SHROOM2: variants seen among roughly 807,000 people sequenced by gnomAD.
SHROOM2 encodes shroom family member 2, also known as protein Shroom2.
SHROOM2 carries 33 observed loss-of-function variants against 75.9 expected under a neutral mutation model. That is an observed-to-expected ratio of 0.43 (90% CI 0.33 to 0.58). The LOEUF is 0.58. Ranked by LOEUF, SHROOM2 falls within the 20% of genes least tolerant of loss-of-function variation. SHROOM2 has a pLI of 0.04. For missense variants in SHROOM2, 1,434 were observed against 1,461.2 expected, an observed-to-expected ratio of 0.98 and a Z score of 0.30; for synonymous variants, 655 against 663.6, an observed-to-expected ratio of 0.99 and a Z score of 0.20.
At position 9,894,622 on chromosome X, in the gene SHROOM2, T is replaced by C; in HGVS notation, c.714T>C (p.Thr238=). 1 of 1,211,766 alleles carries C rather than the reference T, an allele frequency of 8.3e-7. No homozygotes were observed. The highest frequency in any genetic ancestry group is 1.1e-6 in the Non-Finnish European group (1 of 895,465). Reference sequence around the variant, plus strand: ...CCTCCGCAGAGAACATCCTCTACACTGTGGGCCTCTGGGAGGCTCCCAGGC... The same window carrying C: ...CCTCCGCAGAGAACATCCTCTACACCGTGGGCCTCTGGGAGGCTCCCAGGC... ...DTSSAENILY[T]VGLWEAPRQG... is the part of the protein sequence containing the mutation. Residue 238 remains threonine, a synonymous_variant, in exon 4 of 10, where the codon ACT becomes ACC. Transcript: ENST00000380913.
At chrX:9,837,952 T>G (rs2083956295) in intron 1 of SHROOM2, among the ~76,000 whole-genome samples, 1 of 110,820 alleles carries the variant, frequency 9.0e-6, no homozygotes, top group African/African-American at 3.3e-5. Context: ...TCACCATTAG[T>G]CAGCAGAACA....
chrX:9,894,461 T>G lies in SHROOM2; in HGVS notation c.553T>G (p.Ser185Ala), dbSNP rs1341648819. The part of the protein sequence containing the change: ...LGSVDSLDHP[S>A]SRLSVAKSNS... The stretch of plus-strand genomic sequence containing the variant: ...GAGCGTTGACAGCCTGGACCACCCC[T>G]CCAGTCGCCTCTCGGTGGCCAAGTC... Residue 185 changes from serine (S) to alanine (A), a missense_variant, in exon 4 of 10, where the codon TCC (serine) becomes GCC (alanine). Ser to Ala is a moderately conservative substitution (Grantham distance 99). Coordinates refer to ENST00000380913, the MANE Select transcript of SHROOM2 (RefSeq NM_001649.4). 4.1e-6 allele frequency: 5 copies of G among 1,206,926 alleles called. No individual in the cohort carries two copies. The highest frequency in any genetic ancestry group is 5.6e-6 in the Non-Finnish European group (5 of 894,388).
Position 9,895,816 on chromosome X carries a change from G to T in SHROOM2, c.1908G>T (p.Met636Ile). 8.3e-7 allele frequency: 1 copy of T among 1,204,124 alleles called. No homozygotes were observed. The highest frequency in any genetic ancestry group is 1.8e-5 in the South Asian group (1 of 55,885). ...CCACCCTGCGGAATGAGATCCAGAT[G>T]CATAGAGCCAAGCTGCAGAAGAGCC... ...FATTLRNEIQMHRAKLQKSRS... is the reference protein window; with the variant it reads ...FATTLRNEIQIHRAKLQKSRS... The change falls in exon 4 of 10, where the codon ATG (methionine) becomes ATT (isoleucine). Residue 636 changes from methionine (M) to isoleucine (I), a missense_variant. Met to Ile is a conservative substitution (Grantham distance 10, BLOSUM62 1). Transcript: ENST00000380913.
At chrX:9,885,573 T>G (rs766967512) in intron 2 of SHROOM2, among the ~76,000 whole-genome samples, 4 of 111,611 alleles carry the variant, frequency 3.6e-5, no homozygotes, top group African/African-American at 9.8e-5. Context: ...TTAGTAAATT[T>G]TCACTGTCCA....
At position 9,928,025 on chromosome X, in the gene SHROOM2, G is replaced by C. The variant is rs191204705; in HGVS notation, c.2892-4150G>C. Among the ~76,000 whole-genome samples, 9 of 112,095 alleles carry C rather than the reference G, an allele frequency of 8.0e-5. No homozygotes were observed. In the East Asian group the frequency reaches 2.0e-3, roughly 24 times the overall value. ...TTGTTTTTTTCCTAACAGTGGTTTC[G>C]GTCCTGTCATAGCATGCTGGGTGAC... On this transcript the variant is annotated intron_variant, in intron 5 of 9. Coordinates refer to ENST00000380913, the MANE Select transcript of SHROOM2 (RefSeq NM_001649.4).
chrX:9,937,618 C>G lies in SHROOM2; in HGVS notation c.4072C>G (p.Leu1358Val). The change falls in exon 7 of 10, where the codon CTG becomes GTG. Residue 1358 changes from leucine (L) to valine (V), a missense_variant. Physicochemically the swap from Leu to Val is conservative, Grantham distance 32. Around this residue, in one of 3 missense-constraint regions of SHROOM2, gnomAD observed 1,340 missense variants for 1,338.3 expected, o/e 1.00. Transcript: ENST00000380913. The stretch of plus-strand genomic sequence containing the variant: ...CATCTTCCCCAAAGACGAGCACCTC[C>G]TGGAAGAAGCCCAGCAACGGAGGAA... Reference protein sequence around the residue: ...EGIFPKDEHLLEEAQQRRKLL... With the variant: ...EGIFPKDEHLVEEAQQRRKLL... 1 of 1,210,489 alleles carries G rather than the reference C, an allele frequency of 8.3e-7. No homozygotes were observed. Among genetic ancestry groups the G allele is most frequent in the African/African-American group, 1.7e-5 (1 of 57,848 alleles).
At chrX:9,848,954 C>A (rs1175052062) in intron 1 of SHROOM2, among the ~76,000 whole-genome samples, 2 of 111,650 alleles carry the variant, frequency 1.8e-5, no homozygotes, top group Non-Finnish European at 3.8e-5. Flanking sequence ...AAACAACCGT[C>A]CACTCAGGTA....
chrX:9,786,895 C>A (rs1161234293), intron 1 of SHROOM2, among the ~76,000 whole-genome samples, 185 bp downstream of exon 1: 1 of 111,863 alleles, frequency 8.9e-6, no homozygotes, highest in Non-Finnish European at 1.9e-5. Flanking sequence ...GGCGGTTCCC[C>A]GCGCCTCGCA....
chrX:9,944,725 A>T lies in SHROOM2; in HGVS notation c.4396A>T (p.Thr1466Ser). ...CCTGCTGGAGGACGTGCAGGCCAACACCGTGCTGGGGGCCGAGGTGGAGGC... is the reference window on the plus strand; with the variant it reads ...CCTGCTGGAGGACGTGCAGGCCAACTCCGTGCTGGGGGCCGAGGTGGAGGC... ...ESLLEDVQANTVLGAEVEAIV... is the reference protein window; with the variant it reads ...ESLLEDVQANSVLGAEVEAIV... The change falls in exon 9 of 10, where the codon ACC (threonine) becomes TCC (serine). Residue 1466 changes from threonine (T) to serine (S), a missense_variant. This residue lies in a region of SHROOM2 where 1,340 missense variants were observed against 1,338.3 expected (regional missense o/e 1.00). Coordinates refer to ENST00000380913, the MANE Select transcript of SHROOM2 (RefSeq NM_001649.4). 8.3e-7 allele frequency: 1 copy of T among 1,211,534 alleles called. No homozygotes were observed. Among genetic ancestry groups the T allele is most frequent in the Non-Finnish European group, 1.1e-6 (1 of 895,388 alleles).
At chrX:9,791,145 AAAAAG>A (rs1352155876) in intron 1 of SHROOM2, among the ~76,000 whole-genome samples, 1 of 111,547 alleles carries the variant, frequency 9.0e-6, no homozygotes, top group Non-Finnish European at 1.9e-5. Context: ...TTTGAAAAAA[AAAAAG>A]AAAAGAAAAC....
intron 7 of SHROOM2, among the ~76,000 whole-genome samples, chrX:9,938,978 A>G (rs45442302): frequency 0.063 from 7,074 of 112,338 alleles, 224 homozygotes; most frequent in African/African-American, 0.12. Context: ...TTTAAAAACT[A>G]TGTTTCATAC....
At chrX:9,807,124 C>G (rs1024775874) in intron 1 of SHROOM2, among the ~76,000 whole-genome samples, 22 of 111,852 alleles carry the variant, frequency 2.0e-4, no homozygotes, top group African/African-American at 6.2e-4. Context: ...CCCATTCTGT[C>G]TGGATTCAGG....
chrX:9,914,987 T>C (rs1225626778), intron 5 of SHROOM2, among the ~76,000 whole-genome samples: 1 of 111,667 alleles, frequency 9.0e-6, no homozygotes, highest in Non-Finnish European at 1.9e-5. Context: ...CTTCTGGGAG[T>C]GAAGTACAGA....
At chrX:9,841,429 G>A (rs779852149) in intron 1 of SHROOM2, among the ~76,000 whole-genome samples, 3 of 111,968 alleles carry the variant, frequency 2.7e-5, no homozygotes, top group East Asian at 5.6e-4. Context: ...AATAAATAAT[G>A]AAAACTGCAG....
At chrX:9,806,399 A>G (rs919523601) in intron 1 of SHROOM2, among the ~76,000 whole-genome samples, 1 of 109,454 alleles carries the variant, frequency 9.1e-6, no homozygotes, top group Middle Eastern at 4.7e-3. Context: ...ATTAATATAT[A>G]TAAAATAATC....
intron 1 of SHROOM2, among the ~76,000 whole-genome samples, chrX:9,814,111 G>C (rs1233036936): frequency 9.0e-6 from 1 of 111,594 alleles, no homozygotes; most frequent in African/African-American, 3.3e-5. Flanking sequence ...TAGGTCTAAA[G>C]TGGCTAATCC....
At chrX:9,791,720 C>T (rs749391425) in intron 1 of SHROOM2, among the ~76,000 whole-genome samples, 31 of 111,198 alleles carry the variant, frequency 2.8e-4, no homozygotes, top group Middle Eastern at 9.1e-3. Context: ...GTGCCAGGCA[C>T]GGTGGCTCAC....
chrX:9,890,874 C>G (rs886637342), intron 2 of SHROOM2, 103 bp from the exon 3 acceptor site: 34 of 847,204 alleles, frequency 4.0e-5, no homozygotes, highest in Non-Finnish European at 5.6e-5. Flanking sequence ...TTGGCACGAG[C>G]GTGTGCCCTG....
chrX:9,936,236 C>T (rs1295048787), intron 6 of SHROOM2, among the ~76,000 whole-genome samples: 2 of 110,084 alleles, frequency 1.8e-5, no homozygotes, highest in African/African-American at 3.3e-5. Context: ...TTCAGCTTCC[C>T]GAGTAGGTGG....
Sources: allele counts gnomAD v4.1 joint callset (sites outside exome capture counted in the v4.1 genomes callset), GRCh38; gene constraint gnomAD v4.1.1; regional missense constraint gnomAD v4.1.1; transcripts MANE v1.5; gene names NCBI Gene and HGNC (gene_info 2026-07-23, HGNC 2026-07-21).